The following VSTM2L variants were observed in gnomAD, a reference collection of about 807,000 sequenced individuals.
The protein encoded by VSTM2L is V-set and transmembrane domain containing 2 like.
VSTM2L carries 9 observed loss-of-function variants against 19.9 expected under a neutral mutation model. The ratio of observed to expected loss-of-function variants is 0.45; its 90% confidence interval spans 0.27 to 0.79. The LOEUF is 0.79. Ranked by LOEUF, VSTM2L falls within the 30% of genes least tolerant of loss-of-function variation. The pLI is 0.15. For synonymous variants in VSTM2L, 127 were observed against 133.8 expected (o/e 0.95, Z 0.35); for missense variants, 286 against 295.5 (o/e 0.97, Z 0.24).
At chr20:37,914,571 C>A (rs2072806134) in intron 1 of VSTM2L, among the ~76,000 whole-genome samples, 1 of 151,636 alleles carries the variant, frequency 6.6e-6, no homozygotes. Context: ...CCTTCCAGAC[C>A]TTTTCTCTCC....
At chr20:37,912,032 T>G (rs1460406043) in intron 1 of VSTM2L, among the ~76,000 whole-genome samples, 1 of 152,216 alleles carries the variant, frequency 6.6e-6, no homozygotes, top group African/African-American at 2.4e-5. Flanking sequence ...CATCAAGAAC[T>G]CTGTGTTTTC....
In VSTM2L at chr20:37,908,312, C is replaced by T. The variant is rs6021795; in HGVS notation, c.121+4841C>T. ...AACAAGTGGGCAGGGTGAGGGGAGT[C>T]GGGTAAGTGACCCCTTCTGATCCAC... On this transcript the variant is annotated intron_variant, in intron 1 of 3. Coordinates refer to ENST00000373461, the MANE Select transcript of VSTM2L (RefSeq NM_080607.3). Among the ~76,000 whole-genome samples the T allele has an allele frequency of 8.7e-3, 1,328 of 152,242 alleles. 27 individuals carry two copies. Among genetic ancestry groups the T allele is most frequent in the African/African-American group, 0.029 (1,190 of 41,534 alleles).
intron 1 of VSTM2L, among the ~76,000 whole-genome samples, chr20:37,930,860 G>A (rs910606437): frequency 2.0e-5 from 3 of 152,198 alleles, no homozygotes; most frequent in Non-Finnish European, 4.4e-5. Context: ...AACTGCCAGC[G>A]GCAGGAGCTC....
At chr20:37,911,787 A>G (rs947371550) in intron 1 of VSTM2L, among the ~76,000 whole-genome samples, 5 of 152,136 alleles carry the variant, frequency 3.3e-5, no homozygotes, top group Admixed American at 1.3e-4. Context: ...CAGTTTCCCC[A>G]CTGAACAATG....
chr20:37,930,849 C>T (rs2072904433), intron 1 of VSTM2L, among the ~76,000 whole-genome samples: 2 of 152,178 alleles, frequency 1.3e-5, no homozygotes, highest in African/African-American at 4.8e-5. Flanking sequence ...TCTGCGCCCG[C>T]AACTGCCAGC....
intron 1 of VSTM2L, among the ~76,000 whole-genome samples, chr20:37,919,512 T>G (rs1244831101): frequency 6.6e-6 from 1 of 152,240 alleles, no homozygotes; most frequent in African/African-American, 2.4e-5. Context: ...TGTCTCCTGA[T>G]TTTAGAAGCC....
intron 1 of VSTM2L, among the ~76,000 whole-genome samples, chr20:37,928,478 G>C (rs2072890703): frequency 6.6e-6 from 1 of 152,234 alleles, no homozygotes; most frequent in South Asian, 2.1e-4. Flanking sequence ...GGCTGGGCGT[G>C]GTGGCTTATA....
chr20:37,914,604 G>T (rs559206019), intron 1 of VSTM2L, among the ~76,000 whole-genome samples: 10 of 151,790 alleles, frequency 6.6e-5, no homozygotes, highest in South Asian at 4.2e-4. Flanking sequence ...TCTGCCCCTC[G>T]TGCTCTCTTC....
intron 3 of VSTM2L, among the ~76,000 whole-genome samples, chr20:37,936,358 C>T (rs1055865575): frequency 1.3e-5 from 2 of 152,124 alleles, no homozygotes; most frequent in East Asian, 1.9e-4. Context: ...CTAAAAATCC[C>T]GATTTTAGTG....
At chr20:37,929,515 T>C (rs2072896887) in intron 1 of VSTM2L, among the ~76,000 whole-genome samples, 1 of 152,194 alleles carries the variant, frequency 6.6e-6, no homozygotes, top group East Asian at 1.9e-4. Context: ...CAGTGAGGAC[T>C]GTGGCTGTTA....
chr20:37,931,999 G>A (rs1032236229), intron 2 of VSTM2L, among the ~76,000 whole-genome samples, 195 bp downstream of exon 2: 6 of 152,224 alleles, frequency 3.9e-5, no homozygotes, highest in Non-Finnish European at 8.8e-5. Context: ...TTGGGGGAAC[G>A]GGCAGGAGGC....
chr20:37,931,525 A>ACCCCC, intron 1 of VSTM2L, 110 bp from the exon 2 acceptor site: 1 of 830,272 alleles, frequency 1.2e-6, no homozygotes. Context: ...CACCCCCTCC[A>ACCCCC]CCCATCCCCC....
Position 37,944,085 on chromosome 20 carries a change from C to T in VSTM2L, c.447C>T (p.Asp149=), listed in dbSNP as rs559080325. Residue 149 remains aspartate (D), a synonymous_variant, in exon 4 of 4, where the codon GAC becomes GAT. Transcript: ENST00000373461. ...TYECRVIDFS[D]GKARHHKVKA... ...AGTGCCGCGTCATCGACTTCAGCGA[C>T]GGCAAGGCCCGGCACCACAAGGTCA... 67 of 1,612,906 alleles carry T rather than the reference C, an allele frequency of 4.2e-5. No homozygotes were observed. The East Asian group carries it at 1.3e-3, about 32-fold the overall frequency.
chr20:37,924,688 G>A (rs2072870550), intron 1 of VSTM2L, among the ~76,000 whole-genome samples: 1 of 152,072 alleles, frequency 6.6e-6, no homozygotes, highest in Admixed American at 6.5e-5. Context: ...AGCAGCAGCA[G>A]CAGCAGCATC....
chr20:37,922,043 A>G (rs547882720), intron 1 of VSTM2L, among the ~76,000 whole-genome samples: 10 of 149,286 alleles, frequency 6.7e-5, no homozygotes, highest in South Asian at 2.1e-4. Context: ...TAAAATATAC[A>G]TAACAGAAAG....
intron 3 of VSTM2L, among the ~76,000 whole-genome samples, chr20:37,942,041 G>C (rs2072975221): frequency 6.6e-6 from 1 of 151,600 alleles, no homozygotes; most frequent in African/African-American, 2.4e-5. Flanking sequence ...TTTTTTAATT[G>C]AAAAAACACC....
At chr20:37,921,318 A>G (rs1172036032) in intron 1 of VSTM2L, among the ~76,000 whole-genome samples, 1 of 152,224 alleles carries the variant, frequency 6.6e-6, no homozygotes, top group Non-Finnish European at 1.5e-5. Context: ...GGGCAGAACC[A>G]GAGCCTGCAG....
Position 37,941,379 on chromosome 20 carries a change from C to G in VSTM2L, c.343-2602C>G, listed in dbSNP as rs957282059. Among the ~76,000 whole-genome samples, 3 of 152,172 alleles carry G rather than the reference C, an allele frequency of 2.0e-5. No individual in the cohort carries two copies. In the South Asian group the frequency reaches 6.2e-4, roughly 32 times the overall value. On this transcript the variant is annotated intron_variant, in intron 3 of 3. Coordinates refer to ENST00000373461, the MANE Select transcript of VSTM2L (RefSeq NM_080607.3). The stretch of plus-strand genomic sequence containing the variant: ...AGATGAACAGGGAACCCCACCCAGG[C>G]AGAGGGCCCAGCACGCGCAAAGGCC...
chr20:37,931,429 G>A (rs1246201958), intron 1 of VSTM2L, among the ~76,000 whole-genome samples: 1 of 152,146 alleles, frequency 6.6e-6, no homozygotes, highest in African/African-American at 2.4e-5. Context: ...GTTGGCTGCT[G>A]CACACACCCT....
Sources: allele counts gnomAD v4.1 joint callset (sites outside exome capture counted in the v4.1 genomes callset), GRCh38; gene constraint gnomAD v4.1.1; transcripts MANE v1.5; gene names NCBI Gene and HGNC (gene_info 2026-07-23, HGNC 2026-07-21).